The following TSHZ2 variants were observed in gnomAD, a reference collection of about 807,000 sequenced individuals.
TSHZ2 encodes the protein teashirt zinc finger homeobox 2.
Under a neutral mutation model 74.4 loss-of-function variants are expected in TSHZ2, and 21 were observed. That is an observed-to-expected ratio of 0.28 (90% CI 0.20 to 0.41). The LOEUF (loss-of-function observed/expected upper bound fraction) is 0.41. Among genes scored for constraint, TSHZ2 ranks in the 10% least tolerant of loss-of-function variants. The pLI is 1.00. For missense variants in TSHZ2, 1,244 were observed against 1,293.5 expected, an observed-to-expected ratio of 0.96 and a Z score of 0.59; for synonymous variants, 540 against 515.3, an observed-to-expected ratio of 1.05 and a Z score of -0.65.
In TSHZ2 at chr20:53,253,859, C is replaced by T. The variant is rs781190158; in HGVS notation, c.401C>T (p.Ser134Leu). The T allele has an allele frequency of 6.2e-7, 1 of 1,614,176 alleles. No homozygotes were observed. Among genetic ancestry groups the T allele is most frequent in the Non-Finnish European group, 8.5e-7 (1 of 1,180,034 alleles). Residue 134 changes from serine to leucine, a missense_variant, in exon 2 of 3, where the codon TCG (serine) becomes TTG (leucine). This residue lies in a region of TSHZ2 where 470 missense variants were observed against 456.5 expected (regional missense o/e 1.03). Transcript: ENST00000371497. ...ACCGCTGTCTACGCCAACATCCTGTCGGATTCCTACTGGTCAGGCCTGGGC... is the reference window on the plus strand; with the variant it reads ...ACCGCTGTCTACGCCAACATCCTGTTGGATTCCTACTGGTCAGGCCTGGGC... ...KMTAVYANIL[S>L]DSYWSGLGLG... is the part of the protein sequence containing the mutation.
chr20:53,055,326 C>A (rs1984604964), intron 1 of TSHZ2, among the ~76,000 whole-genome samples: 1 of 152,156 alleles, frequency 6.6e-6, no homozygotes, highest in Non-Finnish European at 1.5e-5. Flanking sequence ...CCAAAGTAGT[C>A]CACATCCAGG....
chr20:53,040,322 G>A (rs1224201012), intron 1 of TSHZ2, among the ~76,000 whole-genome samples: 1 of 152,190 alleles, frequency 6.6e-6, no homozygotes, highest in Non-Finnish European at 1.5e-5. Flanking sequence ...GAGCCGCATG[G>A]CACCTGTGTG....
intron 2 of TSHZ2, among the ~76,000 whole-genome samples, chr20:53,362,192 G>GGT (rs1555854730): frequency 1.4e-5 from 2 of 145,444 alleles, no homozygotes; most frequent in Non-Finnish European, 3.0e-5. Context: ...TTGTTTTTTT[G>GGT]TTTTTTTTTT....
chr20:53,378,100 G>A (rs2145634659), intron 2 of TSHZ2, among the ~76,000 whole-genome samples: 1 of 152,260 alleles, frequency 6.6e-6, no homozygotes, highest in East Asian at 1.9e-4. Context: ...CAGCACTTCG[G>A]GAGGCCGAGG....
At chr20:53,223,142 T>G (rs1989603232) in intron 1 of TSHZ2, among the ~76,000 whole-genome samples, 1 of 152,114 alleles carries the variant, frequency 6.6e-6, no homozygotes, top group South Asian at 2.1e-4. Context: ...TAGAGATTTT[T>G]TTTTTTGGTC....
At chr20:52,991,845 G>A (rs1046058928) in intron 1 of TSHZ2, among the ~76,000 whole-genome samples, 11 of 152,034 alleles carry the variant, frequency 7.2e-5, no homozygotes, top group South Asian at 2.1e-4. Flanking sequence ...ATGATTTTGC[G>A]TTTGTGGTGG....
At chr20:52,974,922 G>T (rs942646118) in intron 1 of TSHZ2, among the ~76,000 whole-genome samples, 3 of 152,164 alleles carry the variant, frequency 2.0e-5, no homozygotes, top group Non-Finnish European at 4.4e-5. Context: ...TATTTTTAGT[G>T]AGGTACGTAT....
intron 2 of TSHZ2, among the ~76,000 whole-genome samples, chr20:53,306,099 T>C (rs1996017): frequency 0.67 from 102,157 of 152,000 alleles, 35,183 homozygotes; most frequent in African/African-American, 0.82. Flanking sequence ...TTCTGCTCAC[T>C]CATCTTGGGG....
chr20:53,418,341 C>T (rs1484124379), intron 2 of TSHZ2, among the ~76,000 whole-genome samples: 1 of 152,200 alleles, frequency 6.6e-6, no homozygotes, highest in Non-Finnish European at 1.5e-5. Context: ...CTTGATTAGC[C>T]TGATGCAGCC....
intron 2 of TSHZ2, among the ~76,000 whole-genome samples, chr20:53,363,872 A>C (rs1284725071): frequency 6.6e-6 from 1 of 152,204 alleles, no homozygotes; most frequent in African/African-American, 2.4e-5. Flanking sequence ...GATTCATAGA[A>C]TCTCATTCTT....
At chr20:53,369,928 G>A (rs1002506539) in intron 2 of TSHZ2, among the ~76,000 whole-genome samples, 4 of 152,204 alleles carry the variant, frequency 2.6e-5, no homozygotes, top group Admixed American at 2.6e-4. Context: ...TTAATGCAAA[G>A]ATGGTAAGGC....
rs544193424 is a variant in TSHZ2 at position 53,190,086 on chromosome 20, A to AATATATATAT, written c.41-63370_41-63361dup. Among the ~76,000 whole-genome samples, 227 of 24,982 alleles carry AATATATATAT rather than the reference A, an allele frequency of 9.1e-3. 2 individuals carry two copies. Among genetic ancestry groups the AATATATATAT allele is most frequent in the Non-Finnish European group, 0.012 (120 of 9,630 alleles). 16.4% of individuals were successfully genotyped at this position (24,982 alleles called of 152,430 possible). ...GGTGACCAAACAAGACCCTGTCTCA[A>AATATATATAT]ATATATATATATATATATATATATA... On this transcript the variant is annotated intron_variant, in intron 1 of 2. Coordinates refer to ENST00000371497, the MANE Select transcript of TSHZ2 (RefSeq NM_173485.6).
intron 2 of TSHZ2, among the ~76,000 whole-genome samples, chr20:53,363,774 C>T (rs1448713435): frequency 1.3e-5 from 2 of 152,212 alleles, no homozygotes; most frequent in Non-Finnish European, 2.9e-5. Flanking sequence ...GATCATACTA[C>T]TGTGCTCCAG....
At chr20:53,268,580 T>G (rs1342593741) in intron 2 of TSHZ2, among the ~76,000 whole-genome samples, 1 of 152,222 alleles carries the variant, frequency 6.6e-6, no homozygotes, top group Non-Finnish European at 1.5e-5. Flanking sequence ...TTCCCTGTGA[T>G]GAGTCTTGGG....
At chr20:53,005,127 C>T (rs1337308977) in intron 1 of TSHZ2, among the ~76,000 whole-genome samples, 1 of 152,066 alleles carries the variant, frequency 6.6e-6, no homozygotes, top group Non-Finnish European at 1.5e-5. Flanking sequence ...GCCTGGGCAA[C>T]ACGGTGAAAC....
intron 2 of TSHZ2, among the ~76,000 whole-genome samples, chr20:53,316,156 G>T (rs1418808750): frequency 6.6e-6 from 1 of 152,208 alleles, no homozygotes; most frequent in African/African-American, 2.4e-5. Context: ...GAGTCTTGGG[G>T]TAAGGAAGAG....
At chr20:53,221,283 T>C (rs1989550319) in intron 1 of TSHZ2, among the ~76,000 whole-genome samples, 1 of 152,186 alleles carries the variant, frequency 6.6e-6, no homozygotes, top group Admixed American at 6.5e-5. Flanking sequence ...TTACCCAGTC[T>C]CAGGTATGTC....
chr20:53,328,450 T>C (rs147645139), intron 2 of TSHZ2, among the ~76,000 whole-genome samples: 11 of 152,376 alleles, frequency 7.2e-5, no homozygotes, highest in African/African-American at 2.4e-4. Flanking sequence ...ACTCACATTA[T>C]AGAGGCATAG....
At chr20:53,472,979 T>C (rs1014810476) in intron 2 of TSHZ2, among the ~76,000 whole-genome samples, 6 of 151,966 alleles carry the variant, frequency 3.9e-5, no homozygotes, top group African/African-American at 1.5e-4. Flanking sequence ...CACGAGATTA[T>C]ATCCCGCACC....
Sources: gnomAD v4.1 joint callset for allele counts (sites outside exome capture counted in the v4.1 genomes callset) on GRCh38, gnomAD v4.1.1 for gene constraint, gnomAD v4.1.1 regional missense constraint, MANE v1.5 for transcripts, NCBI Gene and HGNC (gene_info 2026-07-23, HGNC 2026-07-21) for gene names.